KLHL1: variants seen among roughly 807,000 people sequenced by gnomAD.
The protein encoded by KLHL1 is kelch-like protein 1.
KLHL1 carries 47 observed loss-of-function variants against 77.7 expected under a neutral mutation model. That is an observed-to-expected ratio of 0.60 (90% CI 0.48 to 0.77). KLHL1 has a LOEUF of 0.77. Among genes scored for constraint, KLHL1 ranks in the 30% least tolerant of loss-of-function variants. The probability of loss-of-function intolerance (pLI) is 0.00; values close to 1 mark genes in which losing one functional copy is unlikely to be tolerated. For missense variants in KLHL1, 925 were observed against 910.8 expected, an observed-to-expected ratio of 1.02 and a Z score of -0.20; for synonymous variants, 360 against 325.2, an observed-to-expected ratio of 1.11 and a Z score of -1.15.
rs955452032 is a variant in KLHL1 at position 70,028,556 on chromosome 13, G to T, written c.498-52754C>A. On this transcript the variant is annotated intron_variant, in intron 1 of 10. Coordinates refer to ENST00000377844, the MANE Select transcript of KLHL1 (RefSeq NM_020866.3). ...GGAATTCTGCCTGGTCATAAGGAAT[G>T]AATATTTCCCAATACTATCATTAAA... 2.6e-5 allele frequency among the ~76,000 whole-genome samples: 4 copies of T among 152,102 alleles called. No individual in the cohort carries two copies. In the South Asian group the frequency reaches 6.2e-4, roughly 24 times the overall value.
rs188404469 is a variant in KLHL1, at chr13:69,861,021, A to G, written c.1227+21262T>C. Reference sequence around the variant, plus strand: ...ATTGTCCATACGGTGAGTTATGATCACAATACACAGACAACAGTGAGATTC... The same window carrying G: ...ATTGTCCATACGGTGAGTTATGATCGCAATACACAGACAACAGTGAGATTC... On this transcript the variant is annotated intron_variant, in intron 5 of 10. Transcript: ENST00000377844. Among the ~76,000 whole-genome samples the G allele has an allele frequency of 2.0e-3, 298 of 152,200 alleles. 2 individuals are homozygous for G. The highest frequency in any genetic ancestry group is 6.8e-3 in the African/African-American group (281 of 41,572).
chr13:69,757,297 A>G (rs982714888), intron 7 of KLHL1, among the ~76,000 whole-genome samples: 2 of 152,152 alleles, frequency 1.3e-5, no homozygotes, highest in African/African-American at 4.8e-5. Flanking sequence ...AATTAACAAG[A>G]CAATTTCATT....
chr13:69,942,636 A>G (rs561596476), intron 3 of KLHL1, among the ~76,000 whole-genome samples: 6 of 152,156 alleles, frequency 3.9e-5, no homozygotes, highest in African/African-American at 1.4e-4. Context: ...TATAACCTTC[A>G]TCTGGCTTCA....
chr13:69,939,364 T>C (rs1307107772), intron 4 of KLHL1, among the ~76,000 whole-genome samples: 4 of 89,292 alleles, frequency 4.5e-5, no homozygotes, highest in African/African-American at 8.6e-5. Flanking sequence ...TATATATATA[T>C]ATATATATAT....
At chr13:69,762,062 A>G (rs898201820) in intron 7 of KLHL1, among the ~76,000 whole-genome samples, 2 of 152,104 alleles carry the variant, frequency 1.3e-5, no homozygotes, top group African/African-American at 4.8e-5. Context: ...TTGTTTAGAA[A>G]CTTTCCCATG....
intron 9 of KLHL1, among the ~76,000 whole-genome samples, chr13:69,717,756 A>G (rs1191284608): frequency 7.6e-5 from 8 of 105,694 alleles, no homozygotes; most frequent in African/African-American, 2.5e-4. Flanking sequence ...TTGTCAGTCT[A>G]TTAGCAGCAT....
chr13:69,820,032 A>C (rs1009435625), intron 6 of KLHL1, among the ~76,000 whole-genome samples: 1 of 152,158 alleles, frequency 6.6e-6, no homozygotes, highest in African/African-American at 2.4e-5. Flanking sequence ...CCCTCTAAGA[A>C]TCTTGATTCT....
chr13:69,836,896 G>A lies in KLHL1; in HGVS notation c.1414+2080C>T, dbSNP rs546219385. ...TTAGAAGAGAGGTATTAATATATCAGTATTCATTATTATATATGTGATTAA... is the reference window on the plus strand; with the variant it reads ...TTAGAAGAGAGGTATTAATATATCAATATTCATTATTATATATGTGATTAA... On this transcript the variant is annotated intron_variant, in intron 6 of 10. Coordinates refer to ENST00000377844, the MANE Select transcript of KLHL1 (RefSeq NM_020866.3). Among the ~76,000 whole-genome samples the A allele has an allele frequency of 3.3e-5, 5 of 151,800 alleles. No homozygotes were observed. The South Asian group carries it at 1.0e-3, about 32-fold the overall frequency.
intron 3 of KLHL1, among the ~76,000 whole-genome samples, chr13:69,948,509 A>G (rs982295711): frequency 2.6e-5 from 4 of 152,008 alleles, no homozygotes; most frequent in African/African-American, 9.7e-5. Flanking sequence ...AACGGGGAAT[A>G]CTTTTTAAAT....
chr13:69,996,910 ATTTTTTTTTTTTTTT>A (rs10549532), intron 1 of KLHL1, among the ~76,000 whole-genome samples: 9 of 71,238 alleles, frequency 1.3e-4, no homozygotes, highest in Middle Eastern at 0.01. Context: ...TATTCATTAA[ATTTTTTTTTTTTTTT>A]TTTTTTTTTT....
intron 1 of KLHL1, among the ~76,000 whole-genome samples, chr13:70,016,605 T>G (rs555454027): frequency 6.6e-5 from 10 of 152,224 alleles, no homozygotes; most frequent in Admixed American, 5.2e-4. Flanking sequence ...CCCTCTGAAT[T>G]TTGGGCACCG....
intron 6 of KLHL1, among the ~76,000 whole-genome samples, chr13:69,809,010 A>G (rs1298737474): frequency 7.8e-6 from 1 of 128,472 alleles, no homozygotes; most frequent in Non-Finnish European, 1.7e-5. Flanking sequence ...TCAGAAAAAA[A>G]TAAAGTAAAA....
intron 1 of KLHL1, among the ~76,000 whole-genome samples, chr13:70,028,692 A>G (rs1886015748): frequency 6.6e-6 from 1 of 152,158 alleles, no homozygotes. Flanking sequence ...AGGAATATTC[A>G]TAGGCCGGGC....
chr13:70,045,697 G>A (rs186424558), intron 1 of KLHL1, among the ~76,000 whole-genome samples: 1 of 152,104 alleles, frequency 6.6e-6, no homozygotes, highest in Admixed American at 6.6e-5. Context: ...GAGTTTTAAA[G>A]AAATATTTTT....
chr13:69,963,862 T>A (rs893590097), intron 2 of KLHL1, among the ~76,000 whole-genome samples: 2 of 135,666 alleles, frequency 1.5e-5, no homozygotes, highest in African/African-American at 5.1e-5. Context: ...GTACTGTAAG[T>A]CTGATGGCAA....
chr13:69,959,613 C>A (rs1884002192), intron 3 of KLHL1, among the ~76,000 whole-genome samples: 1 of 147,870 alleles, frequency 6.8e-6, no homozygotes, highest in Non-Finnish European at 1.5e-5. Context: ...GATGTTAAGT[C>A]TTTTTAAAAA....
chr13:70,093,487 G>A (rs761749793), intron 1 of KLHL1, among the ~76,000 whole-genome samples: 2 of 152,084 alleles, frequency 1.3e-5, no homozygotes, highest in Non-Finnish European at 2.9e-5. Flanking sequence ...CAAAATCTAT[G>A]TAATTCCTAA....
chr13:69,926,946 C>CAAAAAAAAAAAA lies in KLHL1; in HGVS notation c.1014+13082_1014+13093dup, dbSNP rs71116960. 9.2e-4 allele frequency among the ~76,000 whole-genome samples: 33 copies of CAAAAAAAAAAAA among 36,030 alleles called. 10 individuals carry two copies. Among genetic ancestry groups the CAAAAAAAAAAAA allele is most frequent in the East Asian group, 2.2e-3 (2 of 912 alleles). 23.6% of individuals were successfully genotyped at this position (36,030 alleles called of 152,430 possible). ...TGGGTGACAGAGTGAGACTCCATCT[C>CAAAAAAAAAAAA]AAAAAAAAAAAAAAAAAAAAAAAAG... On this transcript the variant is annotated intron_variant, in intron 4 of 10. Transcript: ENST00000377844.
At chr13:69,789,992 C>CA (rs749243442) in intron 7 of KLHL1, among the ~76,000 whole-genome samples, 72 of 151,596 alleles carry the variant, frequency 4.7e-4, no homozygotes, top group Admixed American at 3.0e-3. Context: ...TCTTTGTCCT[C>CA]ACCAGGCGTT....
Sources: gnomAD v4.1 joint callset for allele counts (sites outside exome capture counted in the v4.1 genomes callset) on GRCh38, gnomAD v4.1.1 for gene constraint, MANE v1.5 for transcripts, NCBI Gene and HGNC (gene_info 2026-07-23, HGNC 2026-07-21) for gene names.